MTUS1: variants seen among roughly 807,000 people sequenced by gnomAD.
MTUS1 encodes the protein microtubule associated scaffold protein 1, also known as microtubule-associated tumor suppressor 1.
MTUS1 carries 109 observed loss-of-function variants against 120.8 expected under a neutral mutation model. The observed-to-expected ratio is 0.90, with a 90% CI of 0.77 to 1.06. The LOEUF is 1.06. MTUS1 is among the 50% of genes least tolerant of loss of function. MTUS1 has a pLI of 0.00. For synonymous variants in MTUS1, 737 were observed against 550.5 expected, an observed-to-expected ratio of 1.34 and a Z score of -4.74; for missense variants, 2,210 against 1,486.3, an observed-to-expected ratio of 1.49 and a Z score of -8.01.
At chr8:17,671,437 G>C (rs1489778689) in intron 8 of MTUS1, among the ~76,000 whole-genome samples, 1 of 152,180 alleles carries the variant, frequency 6.6e-6, no homozygotes, top group Non-Finnish European at 1.5e-5. Flanking sequence ...AGACAGTAAA[G>C]ACATCAACGT....
intron 1 of MTUS1, among the ~76,000 whole-genome samples, chr8:17,797,433 A>G (rs2052333441): frequency 1.3e-5 from 1 of 78,420 alleles, no homozygotes; most frequent in Non-Finnish European, 2.8e-5. Flanking sequence ...ATAAAATAAA[A>G]TAAAATAAAA....
chr8:17,752,305 G>A (rs757811929), intron 2 of MTUS1, among the ~76,000 whole-genome samples: 3 of 152,062 alleles, frequency 2.0e-5, no homozygotes, highest in Admixed American at 6.5e-5. Flanking sequence ...AATAAACATC[G>A]TGTTTCTATG....
intron 2 of MTUS1, among the ~76,000 whole-genome samples, chr8:17,744,270 A>C (rs1245644788): frequency 2.6e-5 from 4 of 152,114 alleles, no homozygotes; most frequent in Admixed American, 2.0e-4. Context: ...AGCACCTTTT[A>C]AAAGTCTAAA....
At chr8:17,732,676 G>C (rs1423127802) in intron 3 of MTUS1, among the ~76,000 whole-genome samples, 3 of 152,218 alleles carry the variant, frequency 2.0e-5, no homozygotes, top group African/African-American at 7.2e-5. Flanking sequence ...CTGAGTTTCA[G>C]ATCTCCCCTT....
chr8:17,672,477 C>G (rs1812230246), intron 8 of MTUS1, among the ~76,000 whole-genome samples: 1 of 152,134 alleles, frequency 6.6e-6, no homozygotes, highest in African/African-American at 2.4e-5. Context: ...TTTACTGCCT[C>G]AAAATTTAAA....
chr8:17,668,558 A>G (rs1350390094), intron 8 of MTUS1, among the ~76,000 whole-genome samples: 1 of 152,248 alleles, frequency 6.6e-6, no homozygotes, highest in Non-Finnish European at 1.5e-5. Flanking sequence ...ATTGTCGGAC[A>G]TAATATAAAA....
At chr8:17,709,756 C>G (rs1820899079) in intron 6 of MTUS1, among the ~76,000 whole-genome samples, 1 of 152,066 alleles carries the variant, frequency 6.6e-6, no homozygotes, top group African/African-American at 2.4e-5. Flanking sequence ...CACCTGTAAT[C>G]CCATCAGTTT....
intron 1 of MTUS1, among the ~76,000 whole-genome samples, chr8:17,768,548 A>C (rs1360702843): frequency 1.3e-5 from 2 of 152,050 alleles, no homozygotes; most frequent in Non-Finnish European, 2.9e-5. Flanking sequence ...AAAAAAATTA[A>C]AATGACCTCA....
At chr8:17,664,401 A>G (rs1005232496) in intron 8 of MTUS1, among the ~76,000 whole-genome samples, 3 of 151,984 alleles carry the variant, frequency 2.0e-5, no homozygotes, top group Non-Finnish European at 4.4e-5. Flanking sequence ...AACTGCACAC[A>G]TACTCCTTTC....
chr8:17,768,668 C>G (rs1288752383), intron 1 of MTUS1, among the ~76,000 whole-genome samples: 3 of 152,022 alleles, frequency 2.0e-5, no homozygotes, highest in African/African-American at 7.2e-5. Flanking sequence ...TTTATACAAA[C>G]AGTCAAAAAT....
intron 6 of MTUS1, among the ~76,000 whole-genome samples, chr8:17,711,973 A>T (rs1821392286): frequency 6.6e-6 from 1 of 152,212 alleles, no homozygotes; most frequent in African/African-American, 2.4e-5. Context: ...ACTGTCTTAG[A>T]TGAGCATGGT....
intron 7 of MTUS1, among the ~76,000 whole-genome samples, chr8:17,683,698 G>A (rs1037556213): frequency 1.3e-5 from 2 of 152,166 alleles, no homozygotes; most frequent in East Asian, 1.9e-4. Flanking sequence ...TGCCCCCTGA[G>A]ATAATTACAG....
intron 8 of MTUS1, among the ~76,000 whole-genome samples, chr8:17,663,004 A>T (rs1302312348): frequency 6.6e-6 from 1 of 152,204 alleles, no homozygotes; most frequent in Non-Finnish European, 1.5e-5. Context: ...ATCACCCAAG[A>T]AGAATTCTAG....
At position 17,795,415 on chromosome 8, in the gene MTUS1, T is replaced by C. The variant is rs111296243; in HGVS notation, c.-155+5646A>G. ...CTTCTGCATCATGCTTAAGACACAA[T>C]TTACTTATAAGGTACACATTTATGC... On this transcript the variant is annotated intron_variant, in intron 1 of 14. Coordinates refer to ENST00000693296, the MANE Select transcript of MTUS1 (RefSeq NM_001363059.2). 5.6e-3 allele frequency among the ~76,000 whole-genome samples: 857 copies of C among 152,314 alleles called. 9 individuals carry two copies. The highest frequency in any genetic ancestry group is 0.02 in the African/African-American group (813 of 41,568).
In MTUS1 at chr8:17,655,846, G is replaced by A. The variant is rs749321511; in HGVS notation, c.3108+17C>T. 7.4e-6 allele frequency: 12 copies of A among 1,612,562 alleles called. No individual in the cohort carries two copies. Among genetic ancestry groups the A allele is most frequent in the Non-Finnish European group, 1.0e-5 (12 of 1,178,640 alleles). On this transcript the variant is annotated intron_variant, in intron 9 of 14. Coordinates refer to ENST00000693296, the MANE Select transcript of MTUS1 (RefSeq NM_001363059.2). ...CAGCAGAGGCCTCAGACAAGCTCTG[G>A]CTGCAAAAGCACAGACCTGCTCTTG...
Position 17,743,612 on chromosome 8 carries a change from G to A in MTUS1, c.2279C>T (p.Ser760Phe). 6.2e-7 allele frequency: 1 copy of A among 1,613,530 alleles called. No individual in the cohort carries two copies. The highest frequency in any genetic ancestry group is 8.5e-7 in the Non-Finnish European group (1 of 1,179,732). ...AACTATTTTATTCTTACCAGAACTG[G>A]ACACACGCCTGATCCTCTGAGGAGA... ...AVSPQRIRRV[S>F]SSGKPTSLKT... is the part of the protein sequence containing the mutation. The change falls in exon 3 of 15, where the codon TCC (serine) becomes TTC (phenylalanine). Residue 760 changes from serine to phenylalanine, a missense_variant. Ser to Phe is a radical substitution (Grantham distance 155, BLOSUM62 -2). Coordinates refer to ENST00000693296, the MANE Select transcript of MTUS1 (RefSeq NM_001363059.2).
chr8:17,748,665 A>G (rs2047954335), intron 2 of MTUS1, among the ~76,000 whole-genome samples: 1 of 152,158 alleles, frequency 6.6e-6, no homozygotes, highest in African/African-American at 2.4e-5. Context: ...CCGGTGCTCA[A>G]AGTGGCTGGC....
At chr8:17,689,470 TA>T (rs1816522400) in intron 6 of MTUS1, among the ~76,000 whole-genome samples, 1 of 152,216 alleles carries the variant, frequency 6.6e-6, no homozygotes, top group Non-Finnish European at 1.5e-5. Flanking sequence ...ATTACGCTTA[TA>T]AAATTTTTCC....
At chr8:17,743,098 A>G (rs2047461617) in intron 3 of MTUS1, among the ~76,000 whole-genome samples, 1 of 151,998 alleles carries the variant, frequency 6.6e-6, no homozygotes. Context: ...CATGACTTTA[A>G]AATTACAAAT....
Sources: allele counts gnomAD v4.1 joint callset (sites outside exome capture counted in the v4.1 genomes callset), GRCh38; gene constraint gnomAD v4.1.1; transcripts MANE v1.5; gene names NCBI Gene and HGNC (gene_info 2026-07-23, HGNC 2026-07-21).